ZFPM2: variants seen among roughly 807,000 people sequenced by gnomAD.
ZFPM2 encodes the protein zinc finger protein, FOG family member 2.
In ZFPM2, 20 loss-of-function variants were observed where a neutral mutation model predicts 98.6. The ratio of observed to expected loss-of-function variants is 0.20; its 90% CI spans 0.14 to 0.29. The LOEUF is 0.29. Ranked by LOEUF, ZFPM2 falls within the 10% of genes least tolerant of loss-of-function variation. ZFPM2 has a pLI of 1.00. For missense variants in ZFPM2, 1,310 were observed against 1,388.6 expected (o/e 0.94, Z 0.90); for synonymous variants, 518 against 502.7 (o/e 1.03, Z -0.41).
At chr8:105,490,877 A>G (rs1344816792) in intron 3 of ZFPM2, among the ~76,000 whole-genome samples, 1 of 152,214 alleles carries the variant, frequency 6.6e-6, no homozygotes, top group African/African-American at 2.4e-5. Context: ...CTAACATATA[A>G]CTAATGAAAA....
chr8:105,686,371 C>G (rs1353585099), intron 5 of ZFPM2, among the ~76,000 whole-genome samples: 1 of 151,990 alleles, frequency 6.6e-6, no homozygotes, highest in African/African-American at 2.4e-5. Flanking sequence ...ACTAATGCTG[C>G]ATCTTCCAAA....
intron 5 of ZFPM2, among the ~76,000 whole-genome samples, chr8:105,660,953 C>T (rs1052773135): frequency 9.2e-5 from 14 of 152,076 alleles, no homozygotes; most frequent in African/African-American, 2.9e-4. Flanking sequence ...CCCTAGTGGT[C>T]TAAAGAAGCC....
intron 5 of ZFPM2, chr8:105,690,967 G>A (rs939661540): frequency 1.3e-5 from 2 of 152,084 alleles, no homozygotes; most frequent in African/African-American, 4.8e-5. Context: ...TTTTGCCTAA[G>A]AGTAACTCTT....
intron 1 of ZFPM2, among the ~76,000 whole-genome samples, chr8:105,379,880 G>T (rs1810809834): frequency 6.6e-6 from 1 of 151,926 alleles, no homozygotes; most frequent in Non-Finnish European, 1.5e-5. Flanking sequence ...ATTTCACAAT[G>T]TAAAATGAGG....
chr8:105,428,600 G>T (rs1417865361), intron 2 of ZFPM2, among the ~76,000 whole-genome samples: 1 of 152,186 alleles, frequency 6.6e-6, no homozygotes. Context: ...GTAATAAATG[G>T]CAGGAATGTT....
At chr8:105,564,191 G>T (rs1815198963) in intron 4 of ZFPM2, among the ~76,000 whole-genome samples, 2 of 151,760 alleles carry the variant, frequency 1.3e-5, no homozygotes, top group African/African-American at 4.8e-5. Flanking sequence ...TAACTTATAT[G>T]AAATTTTCAG....
rs1201705051 is a variant in ZFPM2, at chr8:105,762,051, A to G, written c.533-26667A>G. ...GTTAATTCATAGCATAAGTTAATTCATAATTCATAGCTATAGGAAAAGCAT... is the reference window on the plus strand; with the variant it reads ...GTTAATTCATAGCATAAGTTAATTCGTAATTCATAGCTATAGGAAAAGCAT... On this transcript the variant is annotated intron_variant, in intron 5 of 7. Transcript: ENST00000407775. Among the ~76,000 whole-genome samples the G allele has an allele frequency of 3.3e-5, 5 of 151,948 alleles. No individual in the cohort carries two copies. In the East Asian group the frequency reaches 9.7e-4, roughly 29 times the overall value.
chr8:105,789,008 G>A lies in ZFPM2; in HGVS notation c.739+84G>A. 4 of 1,122,660 alleles carry A rather than the reference G, an allele frequency of 3.6e-6. 1 individual carries two copies. The highest frequency in any genetic ancestry group is 5.5e-5 in the Admixed American group (2 of 36,360). 69.5% of individuals were successfully genotyped at this position (1,122,660 alleles called of 1,614,324 possible). A position where few individuals can be genotyped will look rare whatever the true frequency, so the allele number is the denominator to read the frequency against. ...AAAATGTCTACTGACAAGAAACCAG[G>A]AACAGACCTTTTTCCTTCAGTGTTG... On this transcript the variant is annotated intron_variant, in intron 6 of 7. Transcript: ENST00000407775.
At chr8:105,371,001 G>T (rs868276927) in intron 1 of ZFPM2, among the ~76,000 whole-genome samples, 1 of 152,100 alleles carries the variant, frequency 6.6e-6, no homozygotes, top group African/African-American at 2.4e-5. Context: ...TAAAATATTG[G>T]GTGCTACTGA....
At chr8:105,571,958 T>A (rs1011340220) in intron 4 of ZFPM2, among the ~76,000 whole-genome samples, 2 of 152,128 alleles carry the variant, frequency 1.3e-5, no homozygotes, top group Non-Finnish European at 2.9e-5. Context: ...TTTGTGACTC[T>A]TTCCAAGCCA....
At chr8:105,744,150 C>A (rs907514629) in intron 5 of ZFPM2, among the ~76,000 whole-genome samples, 1 of 152,076 alleles carries the variant, frequency 6.6e-6, no homozygotes, top group African/African-American at 2.4e-5. Context: ...TCCAACACGG[C>A]TAAAGAGCTT....
chr8:105,489,915 T>C (rs547422250), intron 3 of ZFPM2, among the ~76,000 whole-genome samples: 394 of 152,222 alleles, frequency 2.6e-3, no homozygotes, highest in Non-Finnish European at 3.9e-3. Flanking sequence ...AATTACCTCA[T>C]ATGATTTCTG....
chr8:105,399,010 C>G (rs1472160206), intron 1 of ZFPM2, among the ~76,000 whole-genome samples: 1 of 152,022 alleles, frequency 6.6e-6, no homozygotes, highest in African/African-American at 2.4e-5. Context: ...GAGGGAAGAG[C>G]AAGTGCAAAG....
chr8:105,691,802 A>G (rs1810890436), intron 5 of ZFPM2, among the ~76,000 whole-genome samples: 1 of 152,212 alleles, frequency 6.6e-6, no homozygotes, highest in South Asian at 2.1e-4. Flanking sequence ...TTCCTGACAC[A>G]TGATAGGTCT....
At chr8:105,533,285 A>G (rs1056485169) in intron 3 of ZFPM2, among the ~76,000 whole-genome samples, 1 of 152,110 alleles carries the variant, frequency 6.6e-6, no homozygotes. Context: ...AGAAGAGAAA[A>G]TGTTTATAGA....
intron 2 of ZFPM2, among the ~76,000 whole-genome samples, chr8:105,433,366 T>A (rs1255051742): frequency 5.9e-5 from 9 of 152,202 alleles, no homozygotes; most frequent in Non-Finnish European, 1.5e-5. Flanking sequence ...TGTTCTTTCT[T>A]CCTCAGTTAT....
At chr8:105,667,946 C>T (rs1173608187) in intron 5 of ZFPM2, among the ~76,000 whole-genome samples, 1 of 152,180 alleles carries the variant, frequency 6.6e-6, no homozygotes, top group East Asian at 1.9e-4. Context: ...AAAGCTTAAA[C>T]CAAAGCTCTT....
chr8:105,503,987 T>G (rs1813647537), intron 3 of ZFPM2, among the ~76,000 whole-genome samples: 1 of 152,096 alleles, frequency 6.6e-6, no homozygotes, highest in South Asian at 2.1e-4. Context: ...ATGAATAACA[T>G]TCCCCTGCAG....
intron 5 of ZFPM2, among the ~76,000 whole-genome samples, chr8:105,696,413 T>C (rs754863137): frequency 3.3e-5 from 5 of 152,214 alleles, no homozygotes; most frequent in African/African-American, 4.8e-5. Flanking sequence ...GTATGTAGCA[T>C]AAAATTTAAG....
Sources: gnomAD v4.1 joint callset for allele counts (sites outside exome capture counted in the v4.1 genomes callset) on GRCh38, gnomAD v4.1.1 for gene constraint, MANE v1.5 for transcripts, NCBI Gene and HGNC (gene_info 2026-07-23, HGNC 2026-07-21) for gene names.